DIS3L2: variants seen among roughly 807,000 people sequenced by gnomAD.
The protein encoded by DIS3L2 is DIS3-like exonuclease 2.
DIS3L2 carries 34 observed loss-of-function variants against 97.5 expected under a neutral mutation model. The ratio of observed to expected loss-of-function variants is 0.35; its 90% confidence interval spans 0.27 to 0.46. The LOEUF is 0.46. Ranked by LOEUF, DIS3L2 falls within the 20% of genes least tolerant of loss-of-function variation. The pLI is 1.00. For synonymous variants in DIS3L2, 435 were observed against 445.2 expected (o/e 0.98, Z 0.29); for missense variants, 1,038 against 1,146.0 (o/e 0.91, Z 1.36).
intron 14 of DIS3L2, among the ~76,000 whole-genome samples, chr2:232,327,979 C>T (rs114942013): frequency 0.011 from 1,748 of 152,292 alleles, 32 homozygotes; most frequent in African/African-American, 0.039. Context: ...CAGAATCCCA[C>T]GGCAAGAAAG....
intron 11 of DIS3L2, among the ~76,000 whole-genome samples, chr2:232,242,901 A>G (rs544296843): frequency 6.6e-6 from 1 of 152,196 alleles, no homozygotes; most frequent in Non-Finnish European, 1.5e-5. Flanking sequence ...AGTGCTTATC[A>G]GTCTTCCTCC....
intron 11 of DIS3L2, among the ~76,000 whole-genome samples, chr2:232,247,251 A>G (rs548835021): frequency 6.6e-6 from 1 of 152,360 alleles, no homozygotes; most frequent in East Asian, 1.9e-4. Flanking sequence ...ACAAGAATGC[A>G]TACCCAGCAA....
At chr2:232,115,468 C>T (rs1352519192) in intron 6 of DIS3L2, among the ~76,000 whole-genome samples, 1 of 152,168 alleles carries the variant, frequency 6.6e-6, no homozygotes, top group Non-Finnish European at 1.5e-5. Context: ...TGAGAATCAG[C>T]TCCACGTGGG....
At chr2:232,298,440 TTA>T (rs1694773270) in intron 13 of DIS3L2, among the ~76,000 whole-genome samples, 1 of 152,200 alleles carries the variant, frequency 6.6e-6, no homozygotes, top group South Asian at 2.1e-4. Context: ...GCTTTTAAAA[TTA>T]TGTTTTACTT....
rs1159798717 is a variant in DIS3L2 at position 232,292,379 on chromosome 2, G to A, written c.1660-7661G>A. Among the ~76,000 whole-genome samples the A allele has an allele frequency of 6.6e-6, 1 of 152,170 alleles. No homozygotes were observed. Among genetic ancestry groups the A allele is most frequent in the East Asian group, 1.9e-4 (1 of 5,192 alleles). ...TCTTGTTACCCACCTGTTGCCATCT[G>A]CTGGGAGGGTCGCCTTGCTGTCTCC... On this transcript the variant is annotated intron_variant, in intron 13 of 20. Transcript: ENST00000325385. This position sits in a 1 kb window ranked among gnomAD's most constrained non-coding sequence, Gnocchi z 4.4.
intron 1 of DIS3L2, among the ~76,000 whole-genome samples, chr2:231,971,348 T>C (rs1042578789): frequency 3.3e-5 from 5 of 151,394 alleles, no homozygotes; most frequent in African/African-American, 9.7e-5. Context: ...TCACTGCAAC[T>C]TCTGCCTGCA....
intron 4 of DIS3L2, among the ~76,000 whole-genome samples, 193 bp downstream of exon 4, chr2:232,024,523 G>T (rs115802654): frequency 3.9e-5 from 6 of 152,020 alleles, no homozygotes; most frequent in Non-Finnish European, 7.4e-5. Flanking sequence ...TCTTAAAATC[G>T]CATGCCAAAT....
At chr2:232,222,742 C>T (rs1169408694) in intron 10 of DIS3L2, among the ~76,000 whole-genome samples, 1 of 152,266 alleles carries the variant, frequency 6.6e-6, no homozygotes, top group Admixed American at 6.5e-5. Context: ...GCTGGGATTA[C>T]AGGCGTGAGC....
At chr2:232,044,080 A>G (rs185811829) in intron 5 of DIS3L2, among the ~76,000 whole-genome samples, 1 of 152,318 alleles carries the variant, frequency 6.6e-6, no homozygotes, top group Admixed American at 6.5e-5. Flanking sequence ...TAAAGTGGCA[A>G]GAGATGAGGC....
At chr2:231,963,876 G>A (rs748199510) in intron 1 of DIS3L2, among the ~76,000 whole-genome samples, 14 of 151,994 alleles carry the variant, frequency 9.2e-5, no homozygotes, top group Non-Finnish European at 1.6e-4. Context: ...GCACTACCAC[G>A]TTCGGCTAAT....
intron 1 of DIS3L2, among the ~76,000 whole-genome samples, chr2:231,982,439 A>G (rs1392015937): frequency 6.6e-6 from 1 of 152,050 alleles, no homozygotes; most frequent in African/African-American, 2.4e-5. Flanking sequence ...ATACTTACGT[A>G]TTTCATCTTT....
chr2:232,336,924 T>C lies in DIS3L2; in HGVS notation c.*294T>C. ...CTACTGCCCTCCTCTGCCCAGGAAA[T>C]GGGGGGGTTTCAGCAACTCAGTGTC... is the stretch of plus-strand genomic sequence containing the variant. On this transcript the variant is annotated 3_prime_UTR_variant, in exon 21 of 21. Transcript: ENST00000325385. 8.1e-7 allele frequency: 1 copy of C among 1,227,838 alleles called. No homozygotes were observed. The highest frequency in any genetic ancestry group is 1.0e-6 in the Non-Finnish European group (1 of 977,568). 76.1% of individuals were successfully genotyped at this position (1,227,838 alleles called of 1,614,324 possible).
intron 1 of DIS3L2, among the ~76,000 whole-genome samples, chr2:231,967,038 A>G (rs1692742440): frequency 6.6e-6 from 1 of 152,154 alleles, no homozygotes; most frequent in South Asian, 2.1e-4. Context: ...TTCTTGCCCT[A>G]ATAACAGGCT....
chr2:232,140,022 C>G (rs758768174), intron 8 of DIS3L2, among the ~76,000 whole-genome samples: 1 of 152,156 alleles, frequency 6.6e-6, no homozygotes, highest in Non-Finnish European at 1.5e-5. Flanking sequence ...CATTTAACCA[C>G]AATTTACTGG....
intron 6 of DIS3L2, among the ~76,000 whole-genome samples, chr2:232,129,725 T>A (rs1698165172): frequency 6.6e-6 from 1 of 152,234 alleles, no homozygotes; most frequent in Admixed American, 6.5e-5. Flanking sequence ...AAGGATTGAT[T>A]TATTTACTTT....
At position 232,121,580 on chromosome 2, in the gene DIS3L2, T is replaced by G. The variant is rs1697906797; in HGVS notation, c.602-9039T>G. On this transcript the variant is annotated intron_variant, in intron 6 of 20. Coordinates refer to ENST00000325385, the MANE Select transcript of DIS3L2 (RefSeq NM_152383.5). ...AATTTATATCCTTTCTTGGTTGCAC[T>G]GAAATACTCTTCCTGTGATGGCTCC... Among the ~76,000 whole-genome samples the G allele has an allele frequency of 2.0e-5, 3 of 152,210 alleles. No individual in the cohort carries two copies. The South Asian group carries it at 6.2e-4, about 32-fold the overall frequency.
intron 13 of DIS3L2, among the ~76,000 whole-genome samples, chr2:232,274,217 C>G (rs1214342615): frequency 1.3e-5 from 2 of 152,130 alleles, no homozygotes; most frequent in African/African-American, 4.8e-5. Flanking sequence ...AGATGTGAAC[C>G]TTTCAAGTTA....
chr2:232,181,819 T>A (rs1691284191), intron 9 of DIS3L2, among the ~76,000 whole-genome samples: 1 of 151,928 alleles, frequency 6.6e-6, no homozygotes, highest in South Asian at 2.1e-4. Flanking sequence ...GTTTGTTTGT[T>A]TGTTTGTTTT....
At chr2:232,036,532 A>G (rs908040631) in intron 5 of DIS3L2, among the ~76,000 whole-genome samples, 2 of 152,138 alleles carry the variant, frequency 1.3e-5, no homozygotes, top group Non-Finnish European at 2.9e-5. Context: ...CAGTTCGTCA[A>G]ACTCATTCTC....
Sources: allele counts gnomAD v4.1 joint callset (sites outside exome capture counted in the v4.1 genomes callset), GRCh38; gene constraint gnomAD v4.1.1; non-coding constraint Gnocchi (gnomAD v3.1); transcripts MANE v1.5; gene names NCBI Gene and HGNC (gene_info 2026-07-23, HGNC 2026-07-21).